PDE4D: variants seen among roughly 807,000 people sequenced by gnomAD.
PDE4D encodes the protein phosphodiesterase 4D, also known as 3',5'-cyclic-AMP phosphodiesterase 4D.
In PDE4D, 24 loss-of-function variants were observed where a neutral mutation model predicts 87.4. That is an observed-to-expected ratio of 0.27 (90% CI 0.20 to 0.39). The LOEUF (loss-of-function observed/expected upper bound fraction) is 0.39, where lower values mean the gene tolerates loss of function less well. Among genes scored for constraint, PDE4D ranks in the 10% least tolerant of loss-of-function variants. The pLI is 1.00. For synonymous variants in PDE4D, 384 were observed against 383.2 expected, an observed-to-expected ratio of 1.00 and a Z score of -0.02; for missense variants, 714 against 1,041.0, an observed-to-expected ratio of 0.69 and a Z score of 4.32.
At chr5:60,111,610 T>A (rs1777692357) in intron 2 of PDE4D, among the ~76,000 whole-genome samples, 1 of 152,002 alleles carries the variant, frequency 6.6e-6, no homozygotes, top group Non-Finnish European at 1.5e-5. Context: ...ATTTAACTAA[T>A]TAGCATAAGA....
chr5:59,655,857 G>T (rs764203069), intron 1 of PDE4D, among the ~76,000 whole-genome samples: 4 of 152,142 alleles, frequency 2.6e-5, no homozygotes, highest in Non-Finnish European at 4.4e-5. Flanking sequence ...ATATTAAATA[G>T]ATAGTTACAC....
At chr5:59,629,446 A>G (rs1165770799) in intron 1 of PDE4D, among the ~76,000 whole-genome samples, 1 of 152,078 alleles carries the variant, frequency 6.6e-6, no homozygotes, top group Non-Finnish European at 1.5e-5. Flanking sequence ...ATTTGGACAC[A>G]GAGACATGAA....
intron 1 of PDE4D, among the ~76,000 whole-genome samples, chr5:60,446,364 C>A (rs1407160611): frequency 1.3e-5 from 2 of 152,094 alleles, no homozygotes; most frequent in Non-Finnish European, 2.9e-5. Flanking sequence ...TTTTAAATTT[C>A]ATTGGCTAAG....
intron 5 of PDE4D, among the ~76,000 whole-genome samples, chr5:59,086,748 C>T (rs1767762912): frequency 6.6e-6 from 1 of 152,102 alleles, no homozygotes; most frequent in Non-Finnish European, 1.5e-5. Context: ...AACCAGAAAC[C>T]CATGTACAAT....
intron 6 of PDE4D, among the ~76,000 whole-genome samples, chr5:59,011,166 T>C (rs1316336401): frequency 6.6e-6 from 1 of 151,908 alleles, no homozygotes; most frequent in African/African-American, 2.4e-5. Flanking sequence ...AGACCAAAGG[T>C]AGATAAAACC....
intron 1 of PDE4D, among the ~76,000 whole-genome samples, chr5:60,330,387 G>C (rs1018637279): frequency 6.6e-6 from 1 of 152,170 alleles, no homozygotes; most frequent in Admixed American, 6.5e-5. Flanking sequence ...TGTACAAATG[G>C]GAGCACATGG....
intron 5 of PDE4D, chr5:59,157,062 C>T (rs141114905): frequency 3.2e-5 from 11 of 345,390 alleles, no homozygotes; most frequent in African/African-American, 2.1e-4. Context: ...TGTTTTTTCC[C>T]GTAAGGTCAA....
At position 59,707,491 on chromosome 5, in the gene PDE4D, A is replaced by C. The variant is rs1258243176; in HGVS notation, c.455+185677T>G. Among the ~76,000 whole-genome samples the C allele has an allele frequency of 2.0e-5, 3 of 152,238 alleles. No homozygotes were observed. The East Asian group carries it at 5.8e-4, about 29-fold the overall frequency. On this transcript the variant is annotated intron_variant, in intron 1 of 14. Transcript: ENST00000340635. ...TAGCCCATAGCCTGTTTTTGAAATA[A>C]GATTTTTTTTAGGTTTTTATTTTTT...
At chr5:58,991,743 CT>C in intron 8 of PDE4D, 88 bp downstream of exon 8, 1 of 829,488 alleles carries the variant, frequency 1.2e-6, no homozygotes, top group Non-Finnish European at 1.7e-6. Context: ...AATTAATAAA[CT>C]TTTCTATCCA....
At chr5:59,692,759 C>A (rs572444819) in intron 1 of PDE4D, among the ~76,000 whole-genome samples, 1 of 152,104 alleles carries the variant, frequency 6.6e-6, no homozygotes, top group Non-Finnish European at 1.5e-5. Context: ...AAGGTTCTGG[C>A]ATCATGGAAA....
intron 5 of PDE4D, among the ~76,000 whole-genome samples, chr5:59,069,036 G>A (rs76637350): frequency 0.27 from 41,238 of 152,046 alleles, 6,390 homozygotes; most frequent in East Asian, 0.69. Context: ...AACAAAATGT[G>A]CAAATTCAAG....
chr5:59,131,140 G>A (rs1289810170), intron 5 of PDE4D, among the ~76,000 whole-genome samples: 1 of 152,160 alleles, frequency 6.6e-6, no homozygotes, highest in African/African-American at 2.4e-5. Flanking sequence ...GGCACAGGGG[G>A]AGTCCTTTTT....
intron 1 of PDE4D, among the ~76,000 whole-genome samples, chr5:59,236,302 G>A (rs894213107): frequency 1.3e-5 from 2 of 152,156 alleles, no homozygotes; most frequent in Non-Finnish European, 2.9e-5. Flanking sequence ...CTACTACCTC[G>A]TTGTGATTTT....
chr5:59,172,036 TTA>T (rs1432646827), intron 5 of PDE4D, among the ~76,000 whole-genome samples: 5 of 4,046 alleles, frequency 1.2e-3, no homozygotes, highest in East Asian at 3.4e-3. Flanking sequence ...TAAATATATA[TTA>T]TATATATAAT....
chr5:59,538,392 T>A lies in PDE4D; in HGVS notation c.456-322424A>T, dbSNP rs2153682922. 1.3e-5 allele frequency among the ~76,000 whole-genome samples: 2 copies of A among 152,248 alleles called. 1 individual carries two copies. Among genetic ancestry groups the A allele is most frequent in the South Asian group, 4.1e-4 (2 of 4,820 alleles). ...ACCCTACTAGCCCAAATGGAACACATAATTTCACCCTCAAACTCACTCCTC... is the reference window on the plus strand; with the variant it reads ...ACCCTACTAGCCCAAATGGAACACAAAATTTCACCCTCAAACTCACTCCTC... On this transcript the variant is annotated intron_variant, in intron 1 of 14. Transcript: ENST00000340635.
intron 5 of PDE4D, among the ~76,000 whole-genome samples, chr5:59,060,396 G>A (rs1038160697): frequency 2.0e-5 from 3 of 152,010 alleles, no homozygotes; most frequent in East Asian, 1.9e-4. Flanking sequence ...CTCAACTAAC[G>A]CAAACACCAA....
intron 3 of PDE4D, among the ~76,000 whole-genome samples, chr5:59,970,573 A>T: frequency 6.6e-6 from 1 of 152,204 alleles, no homozygotes; most frequent in East Asian, 1.9e-4. Context: ...TCTCAAAAGA[A>T]GACATTTGTG....
intron 1 of PDE4D, among the ~76,000 whole-genome samples, chr5:59,540,923 T>C (rs1816227182): frequency 6.6e-6 from 1 of 152,126 alleles, no homozygotes; most frequent in Non-Finnish European, 1.5e-5. Flanking sequence ...GGCTTGGTGG[T>C]AGGATTATTT....
At chr5:60,045,799 T>C (rs1310837302) in intron 2 of PDE4D, among the ~76,000 whole-genome samples, 2 of 152,246 alleles carry the variant, frequency 1.3e-5, no homozygotes, top group African/African-American at 4.8e-5. Flanking sequence ...AGTAGTGTGA[T>C]GCCTCCAGCT....
Sources: allele counts gnomAD v4.1 joint callset (sites outside exome capture counted in the v4.1 genomes callset), GRCh38; gene constraint gnomAD v4.1.1; transcripts MANE v1.5; gene names NCBI Gene and HGNC (gene_info 2026-07-23, HGNC 2026-07-21).